ZNF224: variants seen among roughly 807,000 people sequenced by gnomAD.
ZNF224 encodes the protein bone marrow zinc finger 2.
Under a neutral mutation model 10.5 loss-of-function variants are expected in ZNF224, and 8 were observed. That is an observed-to-expected ratio of 0.76 (90% confidence interval 0.45 to 1.37). The LOEUF (loss-of-function observed/expected upper bound fraction) is 1.37. Among genes scored for constraint, ZNF224 ranks in the 40% most tolerant of loss-of-function variants. The probability of loss-of-function intolerance (pLI) is 0.00; values close to 1 mark genes in which losing one functional copy is unlikely to be tolerated. For missense variants in ZNF224, 754 were observed against 854.0 expected, an observed-to-expected ratio of 0.88 and a Z score of 1.46; for synonymous variants, 282 against 287.8, an observed-to-expected ratio of 0.98 and a Z score of 0.20.
chr19:44,108,036 T>C lies in ZNF224; in HGVS notation c.1876T>C (p.Cys626Arg). Residue 626 changes from cysteine (C) to arginine (R), a missense_variant, in exon 6 of 6, where the codon TGT (cysteine) becomes CGT (arginine). By Grantham distance (180) the Cys-to-Arg change is radical. Transcript: ENST00000693561. ...CCACAGCAGAGAAACACCTCTCAAA[T>C]GTGAGCAGCATGGGAAGAACATTGT... is the stretch of plus-strand genomic sequence containing the variant. Reference protein sequence around the residue: ...RRHSRETPLKCEQHGKNIVQN... With the variant: ...RRHSRETPLKREQHGKNIVQN... The C allele has an allele frequency of 6.2e-7, 1 of 1,614,152 alleles. No individual in the cohort carries two copies. The highest frequency in any genetic ancestry group is 8.5e-7 in the Non-Finnish European group (1 of 1,180,014).
intron 3 of ZNF224, among the ~76,000 whole-genome samples, chr19:44,098,683 G>A (rs564166950): frequency 1.3e-5 from 2 of 151,958 alleles, no homozygotes; most frequent in East Asian, 1.9e-4. Context: ...TCCCAGGTTC[G>A]AGGGATTCTC....
chr19:44,103,988 G>A (rs1290206772), intron 5 of ZNF224, among the ~76,000 whole-genome samples: 1 of 152,112 alleles, frequency 6.6e-6, no homozygotes, highest in Non-Finnish European at 1.5e-5. Flanking sequence ...ACTGTGCCTA[G>A]CCTCTGGTCT....
chr19:44,108,446 T>G lies in ZNF224; in HGVS notation c.*162T>G, dbSNP rs1599667519. 2.6e-6 allele frequency: 2 copies of G among 779,648 alleles called. No homozygotes were observed. Among genetic ancestry groups the G allele is most frequent in the African/African-American group, 1.7e-5 (1 of 57,266 alleles). The allele number at this position is 779,648 out of a possible 1,614,324, so 48.3% of individuals were successfully genotyped here. A position where few individuals can be genotyped will look rare whatever the true frequency, so the allele number is the denominator to read the frequency against. ...TGCTGGTGATAAATTTCACCCATTCTTGGAAGAGGGAAAACATTTGTTTAA... is the reference window on the plus strand; with the variant it reads ...TGCTGGTGATAAATTTCACCCATTCGTGGAAGAGGGAAAACATTTGTTTAA... On this transcript the variant is annotated 3_prime_UTR_variant, in exon 6 of 6. Transcript: ENST00000693561.
At chr19:44,098,049 T>C (rs554906826) in intron 3 of ZNF224, among the ~76,000 whole-genome samples, 161 bp downstream of exon 3, 52 of 152,312 alleles carry the variant, frequency 3.4e-4, no homozygotes, top group Middle Eastern at 3.4e-3. Context: ...GATTTTGCAT[T>C]TGTTTTTACT....
At position 44,107,541 on chromosome 19, in the gene ZNF224, T is replaced by C; in HGVS notation, c.1381T>C (p.Cys461Arg). The C allele has an allele frequency of 6.2e-7, 1 of 1,612,348 alleles. No homozygotes were observed. The highest frequency in any genetic ancestry group is 1.1e-5 in the South Asian group (1 of 90,782). Reference protein sequence around the residue: ...TGEKLYNCKECGKSFSRAPCL... With the variant: ...TGEKLYNCKERGKSFSRAPCL... Reference sequence around the variant, plus strand: ...AGAGAAACTGTATAATTGTAAGGAATGTGGGAAGAGCTTTAGTCGGGCCCC... The same window carrying C: ...AGAGAAACTGTATAATTGTAAGGAACGTGGGAAGAGCTTTAGTCGGGCCCC... The change falls in exon 6 of 6, where the codon TGT becomes CGT. Residue 461 changes from cysteine (C) to arginine (R), a missense_variant. Coordinates refer to ENST00000693561, the MANE Select transcript of ZNF224 (RefSeq NM_001321645.3).
In ZNF224 at chr19:44,108,341, A is replaced by G; in HGVS notation, c.*57A>G. ...GTCTTCATGAATGCAGTCTCATCTG[A>G]AAGTTCACAAAGGAGAGACACATTA... On this transcript the variant is annotated 3_prime_UTR_variant, in exon 6 of 6. Coordinates refer to ENST00000693561, the MANE Select transcript of ZNF224 (RefSeq NM_001321645.3). The G allele has an allele frequency of 6.6e-7, 1 of 1,508,266 alleles. No individual in the cohort carries two copies. Among genetic ancestry groups the G allele is most frequent in the South Asian group, 1.3e-5 (1 of 75,968 alleles). The allele number at this position is 1,508,266 out of a possible 1,614,324, so 93.4% of individuals were successfully genotyped here.
chr19:44,107,275 A>G lies in ZNF224; in HGVS notation c.1115A>G (p.Tyr372Cys), dbSNP rs540534104. 6 of 1,582,442 alleles carry G rather than the reference A, an allele frequency of 3.8e-6. No homozygotes were observed. The Middle Eastern group carries it at 6.8e-4, about 179-fold the overall frequency. Residue 372 changes from tyrosine (Y) to cysteine (C), a missense_variant, in exon 6 of 6, where the codon TAT becomes TGT. Physicochemically the swap from Tyr to Cys is radical, Grantham distance 194. Coordinates refer to ENST00000693561, the MANE Select transcript of ZNF224 (RefSeq NM_001321645.3). Reference protein sequence around the residue: ...HHMVHTGEKPYNCKECGKSFR... With the variant: ...HHMVHTGEKPCNCKECGKSFR... ...ATGGTCCACACGGGAGAAAAGCCAT[A>G]TAATTGTAAAGAGTGTGGGAAGAGC...
At position 44,107,335 on chromosome 19, in the gene ZNF224, G is replaced by A. The variant is rs186635050; in HGVS notation, c.1175G>A (p.Arg392Gln). The change falls in exon 6 of 6, where the codon CGA becomes CAA. Residue 392 changes from arginine to glutamine, a missense_variant. By Grantham distance (43) the Arg-to-Gln change is conservative (BLOSUM62 1). Transcript: ENST00000693561. Reference protein sequence around the residue: ...RWASCLLKHQRVHSGEKPFKC... With the variant: ...RWASCLLKHQQVHSGEKPFKC... ...GCCTCGTGTCTTTTGAAACATCAGC[G>A]AGTCCACAGTGGAGAAAAACCATTC... is the stretch of plus-strand genomic sequence containing the variant. The A allele has an allele frequency of 1.1e-4, 167 of 1,588,928 alleles. 1 individual carries two copies. In the East Asian group the frequency reaches 2.5e-3, roughly 24 times the overall value.
Position 44,107,163 on chromosome 19 carries a change from C to T in ZNF224, c.1003C>T (p.Arg335Cys), listed in dbSNP as rs756886120. ...TCAGAGATCAGCACTTAATAGTCAT[C>T]GCATGATCCACACAGGAGAGAAACC... ...FRQRSALNSHRMIHTGEKPYK... is the reference protein window; with the variant it reads ...FRQRSALNSHCMIHTGEKPYK... Residue 335 changes from arginine to cysteine, a missense_variant, in exon 6 of 6, where the codon CGC becomes TGC. Transcript: ENST00000693561. The T allele has an allele frequency of 2.2e-5, 36 of 1,606,624 alleles. No homozygotes were observed. The East Asian group carries it at 4.0e-4, about 18-fold the overall frequency.
At chr19:44,098,041 T>C (rs773572560) in intron 3 of ZNF224, among the ~76,000 whole-genome samples, 153 bp downstream of exon 3, 2 of 152,194 alleles carry the variant, frequency 1.3e-5, no homozygotes, top group Non-Finnish European at 2.9e-5. Context: ...TTTGAGTGGA[T>C]TTTGCATTTG....
At chr19:44,101,582 T>C (rs2147527237) in intron 5 of ZNF224, among the ~76,000 whole-genome samples, 1 of 152,362 alleles carries the variant, frequency 6.6e-6, no homozygotes, top group South Asian at 2.1e-4. Context: ...TCCTTCTTGC[T>C]CTGTCTTTAC....
chr19:44,106,230 G>A, intron 5 of ZNF224, 166 bp from the exon 6 acceptor site: 1 of 663,194 alleles, frequency 1.5e-6, no homozygotes, highest in Non-Finnish European at 2.6e-6. Flanking sequence ...ACTTGGTTTA[G>A]TTCGAAATTG....
At chr19:44,102,194 C>T (rs937654225) in intron 5 of ZNF224, among the ~76,000 whole-genome samples, 2 of 152,178 alleles carry the variant, frequency 1.3e-5, no homozygotes, top group South Asian at 2.1e-4. Context: ...CACCTCAAAA[C>T]CTTCTGGCAT....
In ZNF224 at chr19:44,108,440, C is replaced by A; in HGVS notation, c.*156C>A. On this transcript the variant is annotated 3_prime_UTR_variant, in exon 6 of 6. Transcript: ENST00000693561. ...AATCCATGCTGGTGATAAATTTCACCCATTCTTGGAAGAGGGAAAACATTT... is the reference window on the plus strand; with the variant it reads ...AATCCATGCTGGTGATAAATTTCACACATTCTTGGAAGAGGGAAAACATTT... 1 of 827,542 alleles carries A rather than the reference C, an allele frequency of 1.2e-6. No individual in the cohort carries two copies. The allele number at this position is 827,542 out of a possible 1,614,324, so 51.3% of individuals were successfully genotyped here. A position where few individuals can be genotyped will look rare whatever the true frequency, so the allele number is the denominator to read the frequency against.
Position 44,107,478 on chromosome 19 carries a change from AG to A in ZNF224, c.1320del (p.Arg440SerfsTer33), listed in dbSNP as rs745634413. ...GGAGTGTGGGAAGGGCTACAAAAGG[AG>A]GTTGGATCTTGACTTTCACCAGCGC... is the stretch of plus-strand genomic sequence containing the variant. Reference protein sequence around the residue: ...CVECGKGYKRRLDLDFHQRVH... With the variant: ...CVECGKGYKRXLDLDFHQRVH... On this transcript the variant is annotated frameshift_variant, in exon 6 of 6. Coordinates refer to ENST00000693561, the MANE Select transcript of ZNF224 (RefSeq NM_001321645.3). LOFTEE classifies it low-confidence loss of function (END_TRUNC). 357 of 1,602,886 alleles carry A rather than the reference AG, an allele frequency of 2.2e-4. No homozygotes were observed. Among genetic ancestry groups the A allele is most frequent in the Non-Finnish European group, 2.8e-4 (333 of 1,175,340 alleles).
intron 5 of ZNF224, among the ~76,000 whole-genome samples, chr19:44,104,581 C>G (rs1292405514): frequency 6.6e-6 from 1 of 152,052 alleles, no homozygotes. Context: ...GTATTCTCCC[C>G]ATAGAGTAGG....
At chr19:44,098,264 A>G (rs1967480962) in intron 3 of ZNF224, among the ~76,000 whole-genome samples, 1 of 152,194 alleles carries the variant, frequency 6.6e-6, no homozygotes, top group South Asian at 2.1e-4. Flanking sequence ...TATAATGTTC[A>G]TTTTTAATGG....
In ZNF224 at chr19:44,107,581, A is replaced by G; in HGVS notation, c.1421A>G (p.His474Arg). 6.2e-7 allele frequency: 1 copy of G among 1,613,882 alleles called. No homozygotes were observed. Among genetic ancestry groups the G allele is most frequent in the Middle Eastern group, 1.7e-4 (1 of 6,060 alleles). ...SFSRAPCLLK[H>R]ERLHSGEKPF... ...AGTCGGGCCCCATGTCTTTTGAAAC[A>G]TGAGAGACTCCACAGTGGAGAAAAA... Residue 474 changes from histidine (H) to arginine (R), a missense_variant, in exon 6 of 6, where the codon CAT (histidine) becomes CGT (arginine). Coordinates refer to ENST00000693561, the MANE Select transcript of ZNF224 (RefSeq NM_001321645.3).
chr19:44,107,347 G>C lies in ZNF224; in HGVS notation c.1187G>C (p.Gly396Ala). The C allele has an allele frequency of 1.3e-6, 2 of 1,593,328 alleles. No homozygotes were observed. The highest frequency in any genetic ancestry group is 1.3e-5 in the African/African-American group (1 of 74,308). ...TTGAAACATCAGCGAGTCCACAGTG[G>C]AGAAAAACCATTCAAATGTGAAGAA... ...CLLKHQRVHS[G>A]EKPFKCEECG... is the part of the protein sequence containing the mutation. Residue 396 changes from glycine (G) to alanine (A), a missense_variant, in exon 6 of 6, where the codon GGA becomes GCA. Coordinates refer to ENST00000693561, the MANE Select transcript of ZNF224 (RefSeq NM_001321645.3).
Sources: gnomAD v4.1 joint callset for allele counts (sites outside exome capture counted in the v4.1 genomes callset) on GRCh38, gnomAD v4.1.1 for gene constraint, MANE v1.5 for transcripts, NCBI Gene and HGNC (gene_info 2026-07-23, HGNC 2026-07-21) for gene names.